KCNJ3: variants seen among roughly 807,000 people sequenced by gnomAD.
KCNJ3 encodes potassium inwardly rectifying channel subfamily J member 3.
A neutral mutation model predicts 39.2 loss-of-function variants in KCNJ3; 4 were observed. That is an observed-to-expected ratio of 0.10 (90% CI 0.05 to 0.23). KCNJ3 has a LOEUF of 0.23. Ranked by LOEUF, KCNJ3 falls within the 10% of genes least tolerant of loss-of-function variation. The probability of loss-of-function intolerance (pLI) is 1.00; values close to 1 mark genes in which losing one functional copy is unlikely to be tolerated. For synonymous variants in KCNJ3, 230 were observed against 237.4 expected (o/e 0.97, Z 0.29); for missense variants, 276 against 634.9 (o/e 0.43, Z 6.08).
At chr2:154,850,060 T>C (rs1416366171) in intron 2 of KCNJ3, among the ~76,000 whole-genome samples, 1 of 141,812 alleles carries the variant, frequency 7.1e-6, no homozygotes, top group East Asian at 2.2e-4. Flanking sequence ...ATGTTTTTTA[T>C]CTAAGGATTC....
intron 2 of KCNJ3, among the ~76,000 whole-genome samples, chr2:154,767,356 C>A (rs1174758220): frequency 6.6e-6 from 1 of 151,898 alleles, no homozygotes; most frequent in East Asian, 1.9e-4. Context: ...CCATGACAGG[C>A]CCTGGTGTGC....
chr2:154,761,333 G>T (rs1006762078), intron 2 of KCNJ3, among the ~76,000 whole-genome samples: 1 of 151,954 alleles, frequency 6.6e-6, no homozygotes, highest in African/African-American at 2.4e-5. Flanking sequence ...TCAGTGATAT[G>T]TATATCTATG....
At chr2:154,726,792 T>TATACACAC (rs1553455085) in intron 2 of KCNJ3, among the ~76,000 whole-genome samples, 2 of 101,316 alleles carry the variant, frequency 2.0e-5, no homozygotes, top group African/African-American at 8.3e-5. Context: ...ACATTTTATA[T>TATACACAC]ACATACACAC....
intron 2 of KCNJ3, among the ~76,000 whole-genome samples, chr2:154,769,925 A>G (rs1686208362): frequency 6.6e-6 from 1 of 152,196 alleles, no homozygotes; most frequent in African/African-American, 2.4e-5. Flanking sequence ...GCTTATTGGT[A>G]TCATTCCTCC....
At chr2:154,703,225 CA>C (rs1259479906) in intron 1 of KCNJ3, among the ~76,000 whole-genome samples, 1 of 152,012 alleles carries the variant, frequency 6.6e-6, no homozygotes, top group Non-Finnish European at 1.5e-5. Flanking sequence ...ACATTTTTTA[CA>C]TAAAGTAAAC....
At chr2:154,772,531 A>C (rs953834842) in intron 2 of KCNJ3, among the ~76,000 whole-genome samples, 2 of 152,158 alleles carry the variant, frequency 1.3e-5, no homozygotes, top group East Asian at 1.9e-4. Flanking sequence ...TCTACTTTTA[A>C]TGTTGGTTTT....
chr2:154,798,216 ACACACG>A (rs1268377960), intron 2 of KCNJ3, among the ~76,000 whole-genome samples: 4,952 of 124,532 alleles, frequency 0.04, 240 homozygotes, highest in African/African-American at 0.12. Context: ...ACACACACAC[ACACACG>A]CACAGAGTCT....
chr2:154,724,028 C>G (rs1685308612), intron 2 of KCNJ3, among the ~76,000 whole-genome samples: 1 of 152,044 alleles, frequency 6.6e-6, no homozygotes, highest in Admixed American at 6.6e-5. Flanking sequence ...TTCTAGAGAG[C>G]ACTGTTGAAT....
At position 154,842,558 on chromosome 2, in the gene KCNJ3, T is replaced by C. The variant is rs187040459; in HGVS notation, c.920-12169T>C. Among the ~76,000 whole-genome samples the C allele has an allele frequency of 3.5e-3, 526 of 152,310 alleles. 2 individuals carry two copies. The highest frequency in any genetic ancestry group is 6.8e-3 in the Middle Eastern group (2 of 294). On this transcript the variant is annotated intron_variant, in intron 2 of 2. Coordinates refer to ENST00000295101, the MANE Select transcript of KCNJ3 (RefSeq NM_002239.4). ...AGTGGGGTGTTAAAGTCTCCCATTA[T>C]TATTGTGTGGGAATCTAAGTCTCTT...
At chr2:154,768,103 TA>T (rs1389683335) in intron 2 of KCNJ3, among the ~76,000 whole-genome samples, 1 of 152,222 alleles carries the variant, frequency 6.6e-6, no homozygotes, top group Non-Finnish European at 1.5e-5. Flanking sequence ...GTCAGGTGGG[TA>T]GATTGCAAAA....
At chr2:154,807,337 G>C (rs2096522499) in intron 2 of KCNJ3, among the ~76,000 whole-genome samples, 1 of 152,166 alleles carries the variant, frequency 6.6e-6, no homozygotes, top group Admixed American at 6.5e-5. Context: ...TACAATCTTG[G>C]TGACACACAT....
At chr2:154,797,765 A>G (rs1230810540) in intron 2 of KCNJ3, among the ~76,000 whole-genome samples, 2 of 152,084 alleles carry the variant, frequency 1.3e-5, no homozygotes, top group South Asian at 2.1e-4. Context: ...GGAACATATG[A>G]TGATTTATAA....
At chr2:154,766,165 C>T (rs1049829372) in intron 2 of KCNJ3, among the ~76,000 whole-genome samples, 1 of 152,070 alleles carries the variant, frequency 6.6e-6, no homozygotes, top group African/African-American at 2.4e-5. Flanking sequence ...TGCAAAAGGA[C>T]GTAATGAGCA....
intron 2 of KCNJ3, among the ~76,000 whole-genome samples, chr2:154,829,127 A>C (rs1159947100): frequency 1.3e-5 from 2 of 152,166 alleles, no homozygotes; most frequent in Non-Finnish European, 2.9e-5. Flanking sequence ...TTATTTATTT[A>C]TGTATAACTG....
At position 154,857,718 on chromosome 2, in the gene KCNJ3, TA is replaced by T. The variant is rs1687862790; in HGVS notation, c.*2410del. 6.6e-6 allele frequency: 1 copy of T among 150,944 alleles called. No individual in the cohort carries two copies. The highest frequency in any genetic ancestry group is 1.5e-5 in the Non-Finnish European group (1 of 67,762). The allele number at this position is 150,944 out of a possible 1,614,324, so 9.4% of individuals were successfully genotyped here. ...CAACATGGTGAAAACCCGTCTCTAC[TA>T]AAAATACAAAAATTAACTGGGCATG... On this transcript the variant is annotated 3_prime_UTR_variant, in exon 3 of 3. Transcript: ENST00000295101.
At chr2:154,703,479 ATG>A (rs3138640) in intron 1 of KCNJ3, among the ~76,000 whole-genome samples, 1,758 of 148,118 alleles carry the variant, frequency 0.012, 15 homozygotes, top group East Asian at 0.017. Flanking sequence ...CTCCATATAT[ATG>A]TGTGTGTGTG....
intron 2 of KCNJ3, among the ~76,000 whole-genome samples, chr2:154,744,276 A>T (rs77722162): frequency 6.6e-6 from 1 of 151,856 alleles, no homozygotes; most frequent in East Asian, 1.9e-4. Context: ...AGCTAAATTC[A>T]TGAGGGATAT....
intron 2 of KCNJ3, among the ~76,000 whole-genome samples, chr2:154,755,249 C>A (rs566114615): frequency 1.3e-5 from 2 of 151,780 alleles, no homozygotes; most frequent in Non-Finnish European, 2.9e-5. Flanking sequence ...TATTACCATT[C>A]TTTTGTTCTT....
chr2:154,818,281 T>C (rs1687115146), intron 2 of KCNJ3, among the ~76,000 whole-genome samples: 1 of 152,230 alleles, frequency 6.6e-6, no homozygotes, highest in Non-Finnish European at 1.5e-5. Context: ...GTATGGGTCT[T>C]GGATTGGAGT....
Sources: gnomAD v4.1 joint callset for allele counts (sites outside exome capture counted in the v4.1 genomes callset) on GRCh38, gnomAD v4.1.1 for gene constraint, MANE v1.5 for transcripts, NCBI Gene and HGNC (gene_info 2026-07-23, HGNC 2026-07-21) for gene names.